CORO1B: variants seen among roughly 807,000 people sequenced by gnomAD.
CORO1B encodes coronin 1B.
A neutral mutation model predicts 51.1 loss-of-function variants in CORO1B; 30 were observed. The ratio of observed to expected loss-of-function variants is 0.59; its 90% CI spans 0.44 to 0.80. The LOEUF is 0.80. Among genes scored for constraint, CORO1B ranks in the 30% least tolerant of loss-of-function variants. The probability of loss-of-function intolerance (pLI) is 0.00; values close to 1 mark genes in which losing one functional copy is unlikely to be tolerated. For synonymous variants in CORO1B, 310 were observed against 289.7 expected, an observed-to-expected ratio of 1.07 and a Z score of -0.71; for missense variants, 648 against 700.4, an observed-to-expected ratio of 0.93 and a Z score of 0.84.
intron 10 of CORO1B, 31 bp downstream of exon 10, chr11:67,438,640 C>T (rs1864335984): frequency 6.6e-7 from 1 of 1,513,392 alleles, no homozygotes; most frequent in East Asian, 2.4e-5. Context: ...ACCTGGGGCT[C>T]CCAGCACCAC....
At position 67,439,834 on chromosome 11, in the gene CORO1B, T is replaced by C; in HGVS notation, c.1017A>G (p.Lys339=). Residue 339 remains lysine (K), a synonymous_variant, in exon 9 of 11, where the codon AAA becomes AAG. Coordinates refer to ENST00000341356, the MANE Select transcript of CORO1B (RefSeq NM_020441.3). ...TGGGCTCACACTTGCGCTCATGCAG[T>C]TTGTAGAACCTGGGGATGCAAGGAG... ...VSKCEIARFY[K]LHERKCEPIV... is the part of the protein sequence containing the mutation. 6.3e-7 allele frequency: 1 copy of C among 1,582,772 alleles called. No homozygotes were observed. Among genetic ancestry groups the C allele is most frequent in the East Asian group, 2.3e-5 (1 of 43,782 alleles).
upstream of CORO1B, chr11:67,443,582 G>A (rs1354832518): frequency 1.4e-6 from 1 of 707,222 alleles, no homozygotes; most frequent in Non-Finnish European, 1.7e-6. Flanking sequence ...GGGAGGCTGA[G>A]CGGCGCCGGG....
At chr11:67,441,053 G>T (rs752455933) in intron 6 of CORO1B, 72 bp downstream of exon 6, 22 of 1,608,710 alleles carry the variant, frequency 1.4e-5, no homozygotes, top group Non-Finnish European at 1.9e-5. Context: ...GGCCTCCCCA[G>T]GGTGAACCCT....
Position 67,435,588 on chromosome 11 carries a change from T to A in CORO1B, c.*2788A>T, listed in dbSNP as rs1724318699. The A allele has an allele frequency of 7.9e-7, 1 of 1,263,594 alleles. No individual in the cohort carries two copies. The highest frequency in any genetic ancestry group is 2.7e-5 in the Admixed American group (1 of 36,920). The allele number at this position is 1,263,594 out of a possible 1,614,324, so 78.3% of individuals were successfully genotyped here. ...GGGGCCGTTCCCGTGGTGAGCGGGG[T>A]ACACATGGACTTGGGAACTGGTAGG... On this transcript the variant is annotated 3_prime_UTR_variant, in exon 11 of 11. Coordinates refer to ENST00000341356, the MANE Select transcript of CORO1B (RefSeq NM_020441.3).
chr11:67,436,701 T>A lies in CORO1B; in HGVS notation c.*1675A>T. 3.9e-6 allele frequency: 1 copy of A among 258,624 alleles called. No homozygotes were observed. Among genetic ancestry groups the A allele is most frequent in the Non-Finnish European group, 7.4e-6 (1 of 135,764 alleles). The allele number at this position is 258,624 out of a possible 1,614,324, so 16.0% of individuals were successfully genotyped here. Reference sequence around the variant, plus strand: ...TCACCGTGCTCAAACTTCACCCCAGTGAGGCTGAACCTGACCTTAACCTCT... The same window carrying A: ...TCACCGTGCTCAAACTTCACCCCAGAGAGGCTGAACCTGACCTTAACCTCT... On this transcript the variant is annotated 3_prime_UTR_variant, in exon 11 of 11. Transcript: ENST00000341356.
In CORO1B at chr11:67,436,473, G is replaced by C; in HGVS notation, c.*1903C>G. 8.6e-7 allele frequency: 1 copy of C among 1,159,888 alleles called. No homozygotes were observed. Among genetic ancestry groups the C allele is most frequent in the Non-Finnish European group, 1.2e-6 (1 of 862,948 alleles). 71.8% of individuals were successfully genotyped at this position (1,159,888 alleles called of 1,614,324 possible). On this transcript the variant is annotated 3_prime_UTR_variant, in exon 11 of 11. Transcript: ENST00000341356. ...TTTGGGATCCTCTTGGGACAGCCAA[G>C]CAGAAAAGGCCAAGGCCTTATTTGG... is the stretch of plus-strand genomic sequence containing the variant.
intron 6 of CORO1B, 66 bp from the exon 7 acceptor site, chr11:67,440,505 G>T: frequency 1.4e-6 from 2 of 1,447,634 alleles, no homozygotes. Context: ...ACCAGGACGG[G>T]CCTTAGCTGG....
upstream of CORO1B, chr11:67,443,701 A>C (rs974979961): frequency 1.0e-6 from 1 of 979,772 alleles, no homozygotes; most frequent in African/African-American, 1.8e-5. Context: ...GGGGCGGGGC[A>C]GGGCCGACGG....
chr11:67,438,624 G>A (rs968158939), intron 10 of CORO1B, 47 bp downstream of exon 10: 8 of 1,515,942 alleles, frequency 5.3e-6, no homozygotes, highest in Middle Eastern at 2.1e-4. Flanking sequence ...AGCAGGCCAG[G>A]GCCACACCTG....
rs1038855963 is a variant in CORO1B at position 67,442,086 on chromosome 11, C to A, written c.204G>T (p.Thr68=). Residue 68 remains threonine (T), a splice_region_variant and synonymous_variant, in exon 3 of 11, where the codon ACG becomes ACT. Coordinates refer to ENST00000341356, the MANE Select transcript of CORO1B (RefSeq NM_020441.3). The part of the protein sequence containing the change: ...GAFLVLPLSK[T]GRIDKAYPTV... ...TCGGGTAGGCCTTGTCAATGCGGCC[C>A]GTCTGTGGGCACGAGGGGGCAGTCA... 1 of 1,609,670 alleles carries A rather than the reference C, an allele frequency of 6.2e-7. No homozygotes were observed. Among genetic ancestry groups the A allele is most frequent in the East Asian group, 2.2e-5 (1 of 44,756 alleles).
Position 67,442,503 on chromosome 11 carries a change from G to T in CORO1B, c.126C>A (p.Ala42=). ...SRVTWDSTFC[A]VNPKFLAVIV... ...TCACCGCCAGGAACTTGGGGTTGAC[G>T]GCGCAGAAGGTGCTGTCCCAGGTAA... Residue 42 remains alanine, a synonymous_variant, in exon 2 of 11, where the codon GCC becomes GCA. Transcript: ENST00000341356. The T allele has an allele frequency of 2.5e-6, 4 of 1,613,648 alleles. No homozygotes were observed. The highest frequency in any genetic ancestry group is 3.4e-6 in the Non-Finnish European group (4 of 1,180,028).
chr11:67,438,304 G>C lies in CORO1B; in HGVS notation c.*72C>G. On this transcript the variant is annotated 3_prime_UTR_variant, in exon 11 of 11. Transcript: ENST00000341356. ...AGGCTCTGGGCAGCCAGCTAGCCCG[G>C]TGCGACCCGCTGGCAGAAGCTGAGT... 6.5e-7 allele frequency: 1 copy of C among 1,538,820 alleles called. No homozygotes were observed. The highest frequency in any genetic ancestry group is 1.8e-5 in the Admixed American group (1 of 56,488).
chr11:67,443,529 G>C, upstream of CORO1B: 1 of 838,954 alleles, frequency 1.2e-6, no homozygotes, highest in Middle Eastern at 5.9e-4. Context: ...CGGGGCAGGG[G>C]CTCGCGGGGG....
chr11:67,438,100 C>T lies in CORO1B; in HGVS notation c.*276G>A, dbSNP rs898415542. ...AATGAAAATATAGAGCCCACCCTCC[C>T]GCCTCCTCTGGGGAGGGAGCAGAGG... On this transcript the variant is annotated 3_prime_UTR_variant, in exon 11 of 11. Transcript: ENST00000341356. 5.2e-5 allele frequency: 21 copies of T among 405,252 alleles called. No homozygotes were observed. The highest frequency in any genetic ancestry group is 1.4e-4 in the East Asian group (4 of 27,740). The allele number at this position is 405,252 out of a possible 1,614,324, so 25.1% of individuals were successfully genotyped here.
In CORO1B at chr11:67,436,053, C is replaced by T. The variant is rs955645952; in HGVS notation, c.*2323G>A. 6.2e-7 allele frequency: 1 copy of T among 1,613,446 alleles called. No homozygotes were observed. The highest frequency in any genetic ancestry group is 8.5e-7 in the Non-Finnish European group (1 of 1,179,850). On this transcript the variant is annotated 3_prime_UTR_variant, in exon 11 of 11. Coordinates refer to ENST00000341356, the MANE Select transcript of CORO1B (RefSeq NM_020441.3). Reference sequence around the variant, plus strand: ...TCCTCCTGTCGCTCAAGGTCATTGTCTGTGGACCCCAGCTCAGCTCGGGCC... The same window carrying T: ...TCCTCCTGTCGCTCAAGGTCATTGTTTGTGGACCCCAGCTCAGCTCGGGCC...
rs12787021 is a variant in CORO1B, at chr11:67,436,871, A to G, written c.*1505T>C. ...TACCCCCCACAATAAGCTGCTAGGA[A>G]ACGGGGGCTTTTTGGGTCAAGCATG... is the stretch of plus-strand genomic sequence containing the variant. On this transcript the variant is annotated 3_prime_UTR_variant, in exon 11 of 11. Transcript: ENST00000341356. The G allele has an allele frequency of 0.53, 80,437 of 153,128 alleles. 23,657 individuals are homozygous for G. The highest frequency in any genetic ancestry group is 0.81 in the African/African-American group (33,630 of 41,482). The allele number at this position is 153,128 out of a possible 1,614,324, so 9.5% of individuals were successfully genotyped here. A position where few individuals can be genotyped will look rare whatever the true frequency, so the allele number is the denominator to read the frequency against.
intron 6 of CORO1B, chr11:67,440,708 G>A (rs1390954591): frequency 1.5e-6 from 1 of 660,278 alleles, no homozygotes; most frequent in Non-Finnish European, 2.8e-6. Context: ...ATACCTCACT[G>A]TGGGGAGCTG....
Position 67,442,473 on chromosome 11 carries a change from C to T in CORO1B, c.156G>A (p.Val52=). The T allele has an allele frequency of 1.2e-6, 2 of 1,613,576 alleles. No homozygotes were observed. Among genetic ancestry groups the T allele is most frequent in the South Asian group, 1.1e-5 (1 of 91,092 alleles). ...GAAAGGCACCCCCTCCACTGGCCTC[C>T]ACAATCACCGCCAGGAACTTGGGGT... ...AVNPKFLAVI[V]EASGGGAFLV... is the part of the protein sequence containing the mutation. Residue 52 remains valine, a synonymous_variant, in exon 2 of 11, where the codon GTG becomes GTA. Transcript: ENST00000341356.
In CORO1B at chr11:67,438,794, G is replaced by A. The variant is rs1490021751; in HGVS notation, c.1221C>T (p.Ser407=). Reference sequence around the variant, plus strand: ...GGCTGTCAGACAACACGTTGCGCCGGCTGATCTTCAGGTCCCGCTGCTTGC... The same window carrying A: ...GGCTGTCAGACAACACGTTGCGCCGACTGATCTTCAGGTCCCGCTGCTTGC... ...VPSKQRDLKI[S]RRNVLSDSRP... The change falls in exon 10 of 11, where the codon AGC becomes AGT. Residue 407 remains serine (S), a synonymous_variant. Transcript: ENST00000341356. 1 of 1,602,578 alleles carries A rather than the reference G, an allele frequency of 6.2e-7. No homozygotes were observed. The highest frequency in any genetic ancestry group is 1.1e-5 in the South Asian group (1 of 89,566).
Sources: gnomAD v4.1 joint callset for allele counts on GRCh38, gnomAD v4.1.1 for gene constraint, MANE v1.5 for transcripts, NCBI Gene and HGNC (gene_info 2026-07-23, HGNC 2026-07-21) for gene names.